CDH17: variants seen among roughly 807,000 people sequenced by gnomAD.
CDH17 encodes the protein cadherin 17, also known as cadherin-17.
Under a neutral mutation model 86.3 loss-of-function variants are expected in CDH17, and 67 were observed. The observed-to-expected ratio is 0.78, with a 90% CI of 0.64 to 0.95. CDH17 has a LOEUF of 0.95. CDH17 is among the 40% of genes least tolerant of loss of function. The pLI is 0.00. For missense variants in CDH17, 993 were observed against 1,017.6 expected, an observed-to-expected ratio of 0.98 and a Z score of 0.33; for synonymous variants, 367 against 366.4, an observed-to-expected ratio of 1.00 and a Z score of -0.02.
Position 94,214,152 on chromosome 8 carries a change from GCCTCC to G in CDH17, c.-21+3041_-21+3045del, listed in dbSNP as rs1310157004. ...ACTGTTTTAATTCTCCAAAACATACGCCTCCTAGAACACTACCCCTTCATGTTAGC... is the reference window on the plus strand; with the variant it reads ...ACTGTTTTAATTCTCCAAAACATACGTAGAACACTACCCCTTCATGTTAGC... On this transcript the variant is annotated intron_variant, in intron 1 of 17. Transcript: ENST00000450165. Among the ~76,000 whole-genome samples, 173 of 152,206 alleles carry G rather than the reference GCCTCC, an allele frequency of 1.1e-3. 1 individual carries two copies. Among genetic ancestry groups the G allele is most frequent in the African/African-American group, 4.0e-3 (166 of 41,526 alleles).
intron 17 of CDH17, among the ~76,000 whole-genome samples, chr8:94,129,866 A>G (rs1812375073): frequency 6.6e-6 from 1 of 152,214 alleles, no homozygotes; most frequent in East Asian, 1.9e-4. Flanking sequence ...CTACGTGTAT[A>G]AAATGTTTAT....
intron 3 of CDH17, among the ~76,000 whole-genome samples, chr8:94,179,638 G>T (rs563394606): frequency 6.6e-6 from 1 of 152,314 alleles, no homozygotes; most frequent in African/African-American, 2.4e-5. Context: ...ATAGTTGAAG[G>T]TTGTGTCCCA....
At chr8:94,168,611 A>G (rs1813211662) in intron 9 of CDH17, among the ~76,000 whole-genome samples, 1 of 152,168 alleles carries the variant, frequency 6.6e-6, no homozygotes, top group South Asian at 2.1e-4. Context: ...TTGGTCCACT[A>G]AAGACTCTGA....
rs117993313 is a variant in CDH17 at position 94,147,164 on chromosome 8, T to C, written c.1928-997A>G. ...GAGTGAAGTTCTGATCCCCATGGTATGAGAAAGGGGTGTGCACAGCATAAA... is the reference window on the plus strand; with the variant it reads ...GAGTGAAGTTCTGATCCCCATGGTACGAGAAAGGGGTGTGCACAGCATAAA... On this transcript the variant is annotated intron_variant, in intron 14 of 17. Coordinates refer to ENST00000027335, the MANE Select transcript of CDH17 (RefSeq NM_004063.4). 3.1e-3 allele frequency among the ~76,000 whole-genome samples: 471 copies of C among 152,284 alleles called. 7 individuals are homozygous for C. The East Asian group carries it at 0.058, about 19-fold the overall frequency.
chr8:94,161,379 C>T (rs1417173275), intron 11 of CDH17, among the ~76,000 whole-genome samples: 2 of 152,136 alleles, frequency 1.3e-5, no homozygotes, highest in Non-Finnish European at 2.9e-5. Flanking sequence ...TCACAGGGCT[C>T]TGGGCTGCCT....
chr8:94,168,185 ACT>A (rs1385319698), intron 9 of CDH17, among the ~76,000 whole-genome samples: 1 of 108,934 alleles, frequency 9.2e-6, no homozygotes, highest in African/African-American at 3.7e-5. Context: ...ATGGAGTCTC[ACT>A]CTGTTGTCTG....
intron 1 of CDH17, among the ~76,000 whole-genome samples, chr8:94,214,841 A>G (rs1814171363): frequency 6.6e-6 from 1 of 152,200 alleles, no homozygotes; most frequent in Admixed American, 6.5e-5. Context: ...AATTTTTTAA[A>G]AGATATACAA....
chr8:94,176,424 A>AT (rs1363688235), intron 5 of CDH17, 117 bp downstream of exon 5: 5 of 1,089,504 alleles, frequency 4.6e-6, no homozygotes, highest in Non-Finnish European at 6.8e-6. Flanking sequence ...TCAGTGTGAA[A>AT]TGTAGGTAAG....
At chr8:94,187,248 T>G (rs186513161) in intron 3 of CDH17, among the ~76,000 whole-genome samples, 208 of 152,320 alleles carry the variant, frequency 1.4e-3, no homozygotes, top group African/African-American at 4.4e-3. Flanking sequence ...AAAATAAACA[T>G]AAACAAATAA....
In CDH17 at chr8:94,127,488, C is replaced by G. The variant is rs562222703; in HGVS notation, c.*752G>C. 1 of 152,298 alleles carries G rather than the reference C, an allele frequency of 6.6e-6. No individual in the cohort carries two copies. Among genetic ancestry groups the G allele is most frequent in the African/African-American group, 2.4e-5 (1 of 41,556 alleles). The allele number at this position is 152,298 out of a possible 1,614,324, so 9.4% of individuals were successfully genotyped here. On this transcript the variant is annotated 3_prime_UTR_variant, in exon 18 of 18. Coordinates refer to ENST00000027335, the MANE Select transcript of CDH17 (RefSeq NM_004063.4). ...TGACACAGAAACATTTCTGTTAATA[C>G]TAAGGGAAAAGGCTGTTCTTTTATT...
At chr8:94,136,774 G>T (rs1010544109) in intron 15 of CDH17, among the ~76,000 whole-genome samples, 3 of 151,974 alleles carry the variant, frequency 2.0e-5, no homozygotes, top group African/African-American at 7.2e-5. Flanking sequence ...TCCACCTTTG[G>T]TCTTTGATGT....
At chr8:94,192,506 A>C (rs1813707476) in intron 2 of CDH17, among the ~76,000 whole-genome samples, 1 of 150,636 alleles carries the variant, frequency 6.6e-6, no homozygotes, top group Admixed American at 6.6e-5. Context: ...CCCACAGTAG[A>C]AGCAAAGCAT....
chr8:94,161,958 G>A, intron 11 of CDH17, 128 bp downstream of exon 11: 1 of 611,006 alleles, frequency 1.6e-6, no homozygotes, highest in Admixed American at 2.8e-5. Flanking sequence ...TGGGTTATTT[G>A]TGCACTGACC....
chr8:94,191,062 T>C (rs1813678944), intron 2 of CDH17, among the ~76,000 whole-genome samples: 3 of 152,110 alleles, frequency 2.0e-5, no homozygotes, highest in African/African-American at 7.2e-5. Flanking sequence ...CCAGGCTCAC[T>C]TGCAGCTAGG....
At chr8:94,179,813 A>G (rs1246701057) in intron 3 of CDH17, among the ~76,000 whole-genome samples, 1 of 152,232 alleles carries the variant, frequency 6.6e-6, no homozygotes, top group East Asian at 1.9e-4. Flanking sequence ...ATGGAAAGTC[A>G]CTAAGCAAAC....
chr8:94,188,211 T>G (rs962305228), intron 3 of CDH17, among the ~76,000 whole-genome samples: 2 of 152,246 alleles, frequency 1.3e-5, no homozygotes, highest in Non-Finnish European at 2.9e-5. Flanking sequence ...AAACCATCTC[T>G]AGATTATTTA....
chr8:94,148,874 G>A lies in CDH17; in HGVS notation c.1797C>T (p.Ser599=), dbSNP rs35792427. 222,555 of 1,598,512 alleles carry A rather than the reference G, an allele frequency of 0.14. 17,277 individuals are homozygous for A. The highest frequency in any genetic ancestry group is 0.26 in the Admixed American group (14,778 of 56,568). The change falls in exon 14 of 18, where the codon AGC becomes AGT. Residue 599 remains serine (S), a splice_region_variant and synonymous_variant. Transcript: ENST00000027335. ...TAKDPEGLDI[S]YSLRGDTRGW... is the part of the protein sequence containing the mutation. ...CTCTTGTGTCTCCCCTCAGTGAATA[G>A]CTTCATCAAATGAAAAGAGCAAAAG...
intron 3 of CDH17, among the ~76,000 whole-genome samples, chr8:94,178,814 T>C (rs1034017286): frequency 2.6e-5 from 4 of 151,950 alleles, no homozygotes; most frequent in African/African-American, 7.2e-5. Flanking sequence ...AGTTAAAAAG[T>C]TTTTGTGCAT....
chr8:94,172,976 TG>T (rs1563578864), intron 7 of CDH17, among the ~76,000 whole-genome samples: 1 of 152,104 alleles, frequency 6.6e-6, no homozygotes, highest in African/African-American at 2.4e-5. Flanking sequence ...GCAAGTCTAT[TG>T]GGTCAAGATT....
Sources: gnomAD v4.1 joint callset for allele counts (sites outside exome capture counted in the v4.1 genomes callset) on GRCh38, gnomAD v4.1.1 for gene constraint, MANE v1.5 for transcripts, NCBI Gene and HGNC (gene_info 2026-07-23, HGNC 2026-07-21) for gene names.